The following SLIT2 variants were observed in gnomAD, a reference collection of about 807,000 sequenced individuals.
SLIT2 encodes slit homolog 2 protein.
In SLIT2, 41 loss-of-function variants were observed where a neutral mutation model predicts 185.7. The observed-to-expected ratio is 0.22, with a 90% CI of 0.17 to 0.29. SLIT2 has a LOEUF of 0.29. Ranked by LOEUF, SLIT2 falls within the 10% of genes least tolerant of loss-of-function variation. The probability of loss-of-function intolerance (pLI) is 1.00; values close to 1 mark genes in which losing one functional copy is unlikely to be tolerated. For missense variants in SLIT2, 1,571 were observed against 1,909.0 expected, an observed-to-expected ratio of 0.82 and a Z score of 3.30; for synonymous variants, 693 against 680.2, an observed-to-expected ratio of 1.02 and a Z score of -0.29.
intron 22 of SLIT2, among the ~76,000 whole-genome samples, chr4:20,547,831 G>A (rs1047998857): frequency 6.6e-6 from 1 of 151,836 alleles, no homozygotes; most frequent in African/African-American, 2.4e-5. Context: ...CATATAAGTA[G>A]CCATTTAACA....
intron 4 of SLIT2, among the ~76,000 whole-genome samples, chr4:20,430,986 CTGTT>C (rs1382657877): frequency 2.0e-5 from 3 of 152,206 alleles, no homozygotes; most frequent in Non-Finnish European, 2.9e-5. Context: ...TCTTAACAGA[CTGTT>C]TGGTTGCTAA....
chr4:20,551,845 A>G (rs1218451662), intron 25 of SLIT2, among the ~76,000 whole-genome samples: 2 of 152,224 alleles, frequency 1.3e-5, no homozygotes, highest in Non-Finnish European at 2.9e-5. Flanking sequence ...TATGATTGGA[A>G]TTTTAAAATT....
chr4:20,258,085 T>C (rs1234687584), intron 3 of SLIT2, 146 bp downstream of exon 3: 1 of 516,490 alleles, frequency 1.9e-6, no homozygotes, highest in Non-Finnish European at 3.5e-6. Flanking sequence ...TTCAGGTTAA[T>C]TTATGACAAA....
rs1721536188 is a variant in SLIT2, at chr4:20,528,906, C to T, written c.1463-43C>T. Reference sequence around the variant, plus strand: ...TCCTACAAACTAATAAATTTTCTAACCTTTAGACTCAGTATCTTTTTTTTG... The same window carrying T: ...TCCTACAAACTAATAAATTTTCTAATCTTTAGACTCAGTATCTTTTTTTTG... On this transcript the variant is annotated intron_variant, in intron 15 of 36. Transcript: ENST00000504154. The surrounding 1 kb of genome is among the most constrained non-coding windows in gnomAD (Gnocchi z 4.2). The T allele has an allele frequency of 2.0e-6, 3 of 1,536,002 alleles. No homozygotes were observed. The highest frequency in any genetic ancestry group is 2.3e-5 in the East Asian group (1 of 44,314).
At chr4:20,424,754 C>A (rs1187337491) in intron 4 of SLIT2, among the ~76,000 whole-genome samples, 1 of 151,876 alleles carries the variant, frequency 6.6e-6, no homozygotes, top group African/African-American at 2.4e-5. Flanking sequence ...TGTGAGAGGC[C>A]CCCCTGCTTT....
At chr4:20,337,843 A>G (rs1212860102) in intron 4 of SLIT2, among the ~76,000 whole-genome samples, 2 of 152,148 alleles carry the variant, frequency 1.3e-5, no homozygotes, top group Non-Finnish European at 2.9e-5. Flanking sequence ...CTTGTGTGTT[A>G]AGAAGAACCA....
intron 4 of SLIT2, among the ~76,000 whole-genome samples, chr4:20,273,093 A>T (rs917748598): frequency 6.6e-6 from 1 of 151,938 alleles, no homozygotes; most frequent in East Asian, 1.9e-4. Context: ...GGAAAACTTA[A>T]TTTTTTTTAT....
At chr4:20,477,181 A>G (rs1045397241) in intron 5 of SLIT2, among the ~76,000 whole-genome samples, 1 of 149,604 alleles carries the variant, frequency 6.7e-6, no homozygotes, top group Non-Finnish European at 1.5e-5. Flanking sequence ...GAATGTTAAT[A>G]CCGAGAGATC....
intron 4 of SLIT2, among the ~76,000 whole-genome samples, chr4:20,448,142 A>G (rs12512717): frequency 0.12 from 18,121 of 152,176 alleles, 1,113 homozygotes; most frequent in African/African-American, 0.16. Flanking sequence ...CTTAAGGAAT[A>G]TATTTATTTC....
chr4:20,489,114 G>A, intron 8 of SLIT2, 132 bp downstream of exon 8: 1 of 565,124 alleles, frequency 1.8e-6, no homozygotes, highest in Non-Finnish European at 2.9e-6. Context: ...ACTCTACAGA[G>A]ATCCTCTTTT....
intron 4 of SLIT2, among the ~76,000 whole-genome samples, chr4:20,318,835 A>G (rs1270429726): frequency 6.6e-6 from 1 of 152,208 alleles, no homozygotes; most frequent in Non-Finnish European, 1.5e-5. Context: ...AACTTTGAGA[A>G]CACATTTCCA....
intron 4 of SLIT2, among the ~76,000 whole-genome samples, chr4:20,388,918 A>G (rs1445010691): frequency 6.9e-6 from 1 of 145,544 alleles, no homozygotes; most frequent in African/African-American, 2.5e-5. Flanking sequence ...CATATAATAT[A>G]TATAATATAT....
At chr4:20,381,458 A>G (rs2109342765) in intron 4 of SLIT2, among the ~76,000 whole-genome samples, 1 of 152,296 alleles carries the variant, frequency 6.6e-6, no homozygotes, top group East Asian at 1.9e-4. Flanking sequence ...TGTATTTTAC[A>G]AACTGTAATG....
intron 5 of SLIT2, among the ~76,000 whole-genome samples, chr4:20,472,395 T>TAGAG (rs566109126): frequency 5.1e-5 from 2 of 38,862 alleles, no homozygotes; most frequent in African/African-American, 1.9e-4. Context: ...TGTAGATATA[T>TAGAG]AGATATAGAT....
At chr4:20,419,198 C>G (rs1727957896) in intron 4 of SLIT2, among the ~76,000 whole-genome samples, 1 of 152,128 alleles carries the variant, frequency 6.6e-6, no homozygotes, top group Non-Finnish European at 1.5e-5. Context: ...ATCTAGAAGA[C>G]ATGTCAACTG....
intron 33 of SLIT2, among the ~76,000 whole-genome samples, chr4:20,603,538 A>G (rs1161853210): frequency 6.6e-6 from 1 of 152,214 alleles, no homozygotes; most frequent in Non-Finnish European, 1.5e-5. Flanking sequence ...TTTTTTTAAC[A>G]AAAGTTATTA....
chr4:20,338,045 T>C (rs1165445453), intron 4 of SLIT2, among the ~76,000 whole-genome samples: 1 of 152,200 alleles, frequency 6.6e-6, no homozygotes, highest in Non-Finnish European at 1.5e-5. Flanking sequence ...AAAAGGGATG[T>C]TCATTTTTGA....
chr4:20,613,902 G>C (rs1560241224), intron 34 of SLIT2, among the ~76,000 whole-genome samples: 1 of 152,046 alleles, frequency 6.6e-6, no homozygotes, highest in African/African-American at 2.4e-5. Flanking sequence ...ATGGAGTTTC[G>C]CTCTTGTTGC....
chr4:20,338,076 C>G (rs1720655153), intron 4 of SLIT2, among the ~76,000 whole-genome samples: 1 of 152,060 alleles, frequency 6.6e-6, no homozygotes, highest in Non-Finnish European at 1.5e-5. Context: ...GGTAATTTTT[C>G]AAGGATATCA....
Sources: allele counts gnomAD v4.1 joint callset (sites outside exome capture counted in the v4.1 genomes callset), GRCh38; gene constraint gnomAD v4.1.1; non-coding constraint Gnocchi (gnomAD v3.1); transcripts MANE v1.5; gene names NCBI Gene and HGNC (gene_info 2026-07-23, HGNC 2026-07-21).